Variants in DPYSL3 observed in about 807,000 individuals in gnomAD.
DPYSL3 encodes the protein dihydropyrimidinase-related protein 3.
A neutral mutation model predicts 66.1 loss-of-function variants in DPYSL3; 16 were observed. That is an observed-to-expected ratio of 0.24 (90% CI 0.16 to 0.37). The LOEUF (loss-of-function observed/expected upper bound fraction) is 0.37. Among genes scored for constraint, DPYSL3 ranks in the 10% least tolerant of loss-of-function variants. The pLI is 1.00. For missense variants in DPYSL3, 738 were observed against 916.2 expected, an observed-to-expected ratio of 0.81 and a Z score of 2.51; for synonymous variants, 338 against 345.1, an observed-to-expected ratio of 0.98 and a Z score of 0.23.
intron 1 of DPYSL3, among the ~76,000 whole-genome samples, chr5:147,486,648 T>C (rs932435711): frequency 1.3e-5 from 2 of 152,196 alleles, no homozygotes; most frequent in Admixed American, 6.5e-5. Context: ...AAGTACCTAA[T>C]AGATTTCTGA....
At chr5:147,453,524 A>T in intron 1 of DPYSL3, 1 of 1,521,234 alleles carries the variant, frequency 6.6e-7, no homozygotes, top group African/African-American at 1.4e-5. Context: ...GCGAGGAGGG[A>T]GGGAGCAGCG....
At chr5:147,491,304 T>C (rs1753411005) in intron 1 of DPYSL3, among the ~76,000 whole-genome samples, 1 of 152,190 alleles carries the variant, frequency 6.6e-6, no homozygotes, top group African/African-American at 2.4e-5. Context: ...ACCCTTTCTC[T>C]TCCCCTACAC....
At chr5:147,484,982 A>G (rs1000727401) in intron 1 of DPYSL3, among the ~76,000 whole-genome samples, 1 of 152,216 alleles carries the variant, frequency 6.6e-6, no homozygotes, top group Non-Finnish European at 1.5e-5. Flanking sequence ...GCTGTGGGCC[A>G]TACTTTTTAT....
chr5:147,465,034 AG>A (rs1357297644), intron 1 of DPYSL3, among the ~76,000 whole-genome samples: 1 of 152,112 alleles, frequency 6.6e-6, no homozygotes, highest in Non-Finnish European at 1.5e-5. Context: ...TCTCTACAAA[AG>A]TTTTAAAAAT....
intron 1 of DPYSL3, among the ~76,000 whole-genome samples, chr5:147,489,781 TA>T (rs1435277275): frequency 6.6e-6 from 1 of 151,622 alleles, no homozygotes; most frequent in African/African-American, 2.4e-5. Flanking sequence ...TTCTCTTAAA[TA>T]ATAGACACTG....
chr5:147,457,174 C>A (rs914592131), intron 1 of DPYSL3, among the ~76,000 whole-genome samples: 8 of 152,142 alleles, frequency 5.3e-5, no homozygotes, highest in Admixed American at 4.6e-4. Context: ...TCGTATTCTT[C>A]TTATTATATA....
chr5:147,391,180 G>T lies in DPYSL3; in HGVS notation c.*2855C>A, dbSNP rs1757788873. ...CACCCTACTGGAAAGGGCTTCTCAG[G>T]GATGAGTGAAAATCCAGGCTCAGGT... On this transcript the variant is annotated 3_prime_UTR_variant, in exon 14 of 14. Transcript: ENST00000343218. 1 of 152,542 alleles carries T rather than the reference G, an allele frequency of 6.6e-6. No individual in the cohort carries two copies. The highest frequency in any genetic ancestry group is 1.5e-5 in the Non-Finnish European group (1 of 68,048). 9.4% of individuals were successfully genotyped at this position (152,542 alleles called of 1,614,324 possible).
In DPYSL3 at chr5:147,424,923, T is replaced by G. The variant is rs1393394009; in HGVS notation, c.422A>C (p.Asp141Ala). 1 of 1,613,338 alleles carries G rather than the reference T, an allele frequency of 6.2e-7. No homozygotes were observed. The highest frequency in any genetic ancestry group is 1.7e-5 in the Admixed American group (1 of 59,914). The change falls in exon 2 of 14, where the codon GAT becomes GCT. Residue 141 changes from aspartate (D) to alanine (A), a missense_variant. Physicochemically the swap from Asp to Ala is moderately radical, Grantham distance 126. Transcript: ENST00000343218. ...LLIKGGRIVN[D>A]DQSFYADIYM... ...AATATCAGCATAAAAGGACTGATCATCATTGACGATTCTGCCTCCCTTGAT... is the reference window on the plus strand; with the variant it reads ...AATATCAGCATAAAAGGACTGATCAGCATTGACGATTCTGCCTCCCTTGAT...
intron 1 of DPYSL3, among the ~76,000 whole-genome samples, chr5:147,502,256 G>C (rs1753622180): frequency 6.6e-6 from 1 of 151,978 alleles, no homozygotes; most frequent in African/African-American, 2.4e-5. Flanking sequence ...TGGGGCTTAG[G>C]ATTTCAACCT....
chr5:147,397,820 C>A lies in DPYSL3; in HGVS notation c.1649G>T (p.Gly550Val). The A allele has an allele frequency of 6.2e-7, 1 of 1,612,682 alleles. No individual in the cohort carries two copies. Among genetic ancestry groups the A allele is most frequent in the Non-Finnish European group, 8.5e-7 (1 of 1,179,280 alleles). ...QSAAEYNIFE[G>V]MELRGAPLVV... ...CAGAGGAGCCCCGCGCAGCTCCATC[C>A]CTTCAAAGATGTTGTACTCTGCCGC... The change falls in exon 12 of 14, where the codon GGG (glycine) becomes GTG (valine). Residue 550 changes from glycine to valine, a missense_variant. Gly to Val is a moderately radical substitution (Grantham distance 109, BLOSUM62 -3). Transcript: ENST00000343218.
chr5:147,405,686 T>C lies in DPYSL3; in HGVS notation c.1077A>G (p.Gln359=). 1 of 1,614,034 alleles carries C rather than the reference T, an allele frequency of 6.2e-7. No individual in the cohort carries two copies. Among genetic ancestry groups the C allele is most frequent in the Non-Finnish European group, 8.5e-7 (1 of 1,179,946 alleles). The part of the protein sequence containing the change: ...AVFRAITIAS[Q]TNCPLYVTKV... ...TTGTGACGTAGAGAGGGCAATTGGT[T>C]TGGCTGGCAATGGTGATGGCACGGA... Residue 359 remains glutamine, a synonymous_variant, in exon 8 of 14, where the codon CAA becomes CAG. Transcript: ENST00000343218.
At chr5:147,493,570 T>G (rs1235920637) in intron 1 of DPYSL3, among the ~76,000 whole-genome samples, 2 of 149,324 alleles carry the variant, frequency 1.3e-5, no homozygotes, top group Non-Finnish European at 3.0e-5. Context: ...CGAGACTCTG[T>G]CTAAAAAAAA....
chr5:147,406,347 T>G (rs763386588), intron 7 of DPYSL3: 1 of 152,220 alleles, frequency 6.6e-6, no homozygotes, highest in African/African-American at 2.4e-5. Flanking sequence ...AATTAGAAGT[T>G]TTCCCTTATT....
chr5:147,496,577 A>C (rs2126453824), intron 1 of DPYSL3, among the ~76,000 whole-genome samples: 1 of 152,212 alleles, frequency 6.6e-6, no homozygotes, highest in South Asian at 2.1e-4. Context: ...ACCCCATCAA[A>C]AAGTGGGTGA....
intron 1 of DPYSL3, chr5:147,473,452 C>G (rs2126425955): frequency 6.6e-6 from 1 of 152,274 alleles, no homozygotes; most frequent in South Asian, 2.1e-4. Flanking sequence ...CATTACAACA[C>G]TTAGCAGCTT....
rs1757843075 is a variant in DPYSL3, at chr5:147,392,577, T to C, written c.*1458A>G. The C allele has an allele frequency of 6.6e-6, 1 of 152,238 alleles. No homozygotes were observed. Among genetic ancestry groups the C allele is most frequent in the South Asian group, 2.1e-4 (1 of 4,832 alleles). 9.4% of individuals were successfully genotyped at this position (152,238 alleles called of 1,614,324 possible). On this transcript the variant is annotated 3_prime_UTR_variant, in exon 14 of 14. Coordinates refer to ENST00000343218, the MANE Select transcript of DPYSL3 (RefSeq NM_001197294.2). ...TCTGAAAATGAGCATCTTGGTTCTATAGATTCTTATCTTGCTCACAGGACT... is the reference window on the plus strand; with the variant it reads ...TCTGAAAATGAGCATCTTGGTTCTACAGATTCTTATCTTGCTCACAGGACT...
chr5:147,418,451 C>A lies in DPYSL3; in HGVS notation c.651G>T (p.Met217Ile). ...TKAALAGGTT[M>I]IIDHVVPEPE... is the part of the protein sequence containing the mutation. ...GTGTAAAATATGAAGACTTACTGAT[C>A]ATGGTGGTGCCACCTGCTAAGGCCG... Residue 217 changes from methionine (M) to isoleucine (I), a missense_variant, in exon 3 of 14, where the codon ATG (methionine) becomes ATT (isoleucine). Transcript: ENST00000343218. The A allele has an allele frequency of 6.2e-7, 1 of 1,604,942 alleles. No homozygotes were observed. The highest frequency in any genetic ancestry group is 1.1e-5 in the South Asian group (1 of 89,232).
At chr5:147,461,892 C>A (rs1272418748) in intron 1 of DPYSL3, among the ~76,000 whole-genome samples, 3 of 152,106 alleles carry the variant, frequency 2.0e-5, no homozygotes, top group Non-Finnish European at 4.4e-5. Context: ...GGGGTAACAG[C>A]CATCAAGTAG....
intron 1 of DPYSL3, among the ~76,000 whole-genome samples, chr5:147,466,218 G>A (rs1054290333): frequency 6.6e-6 from 1 of 152,102 alleles, no homozygotes; most frequent in Non-Finnish European, 1.5e-5. Context: ...TCCTTTACAT[G>A]GGGTTTGCTG....
Sources: gnomAD v4.1 joint callset for allele counts (sites outside exome capture counted in the v4.1 genomes callset) on GRCh38, gnomAD v4.1.1 for gene constraint, MANE v1.5 for transcripts, NCBI Gene and HGNC (gene_info 2026-07-23, HGNC 2026-07-21) for gene names.